YTHDF1: variants seen among roughly 807,000 people sequenced by gnomAD.
The protein encoded by YTHDF1 is YTH N6-methyladenosine RNA binding protein F1.
In YTHDF1, 16 loss-of-function variants were observed where a neutral mutation model predicts 49.1. That is an observed-to-expected ratio of 0.33 (90% CI 0.22 to 0.49). The LOEUF (loss-of-function observed/expected upper bound fraction) is 0.49, where lower values mean the gene tolerates loss of function less well. YTHDF1 is among the 20% of genes least tolerant of loss of function. The pLI is 0.99. For missense variants in YTHDF1, 621 were observed against 744.3 expected (o/e 0.83, Z 1.93); for synonymous variants, 313 against 290.1 (o/e 1.08, Z -0.80).
intron 4 of YTHDF1, among the ~76,000 whole-genome samples, chr20:63,199,238 G>A (rs1180599083): frequency 3.3e-5 from 5 of 151,972 alleles, no homozygotes; most frequent in Non-Finnish European, 4.4e-5. Flanking sequence ...GCACTGACTC[G>A]GCCGGGCGCA....
At chr20:63,207,094 G>A (rs1163916937) in intron 3 of YTHDF1, among the ~76,000 whole-genome samples, 1 of 152,236 alleles carries the variant, frequency 6.6e-6, no homozygotes, top group African/African-American at 2.4e-5. Context: ...GAGGCGAGCT[G>A]TGCTGCTCCC....
intron 3 of YTHDF1, among the ~76,000 whole-genome samples, chr20:63,206,834 T>C (rs1263016034): frequency 6.6e-6 from 1 of 151,148 alleles, no homozygotes; most frequent in Non-Finnish European, 1.5e-5. Context: ...ATTCTGTACA[T>C]AAGAAAACCT....
rs766197150 is a variant in YTHDF1 at position 63,196,683 on chromosome 20, G to A, written c.*25C>T. 3.1e-6 allele frequency: 5 copies of A among 1,613,766 alleles called. No homozygotes were observed. The South Asian group carries it at 3.3e-5, about 11-fold the overall frequency. ...AAACTGTTTTCAAAGTCAAACGTTA[G>A]AACATGTAAGAAACTGGTTCGCCCT... On this transcript the variant is annotated 3_prime_UTR_variant, in exon 5 of 5. Coordinates refer to ENST00000370339, the MANE Select transcript of YTHDF1 (RefSeq NM_017798.4).
chr20:63,204,091 G>A (rs1480246066), intron 3 of YTHDF1, among the ~76,000 whole-genome samples: 1 of 152,204 alleles, frequency 6.6e-6, no homozygotes, highest in Non-Finnish European at 1.5e-5. Context: ...AACTGGCAAG[G>A]TAGCAGCCCC....
intron 4 of YTHDF1, among the ~76,000 whole-genome samples, chr20:63,201,182 G>C (rs1229678186): frequency 2.6e-5 from 4 of 152,186 alleles, no homozygotes; most frequent in Non-Finnish European, 5.9e-5. Context: ...GCCCCAAGTT[G>C]TTCAGGACTT....
chr20:63,203,571 G>C lies in YTHDF1; in HGVS notation c.369C>G (p.Phe123Leu). The C allele has an allele frequency of 6.2e-7, 1 of 1,614,002 alleles. No homozygotes were observed. Among genetic ancestry groups the C allele is most frequent in the Non-Finnish European group, 8.5e-7 (1 of 1,180,030 alleles). ...NNIYQHRFNF[F>L]PENPAFSAWG... ...ATGCTGAGAACGCAGGGTTTTCAGG[G>C]AAAAAATTGAACCTGTGCTGATAGA... Residue 123 changes from phenylalanine (F) to leucine (L), a missense_variant, in exon 4 of 5, where the codon TTC becomes TTG. Phe to Leu is a conservative substitution (Grantham distance 22, BLOSUM62 0). Transcript: ENST00000370339. The surrounding 1 kb of genome is among the most constrained non-coding windows in gnomAD (Gnocchi z 4.4).
intron 1 of YTHDF1, 24 bp downstream of exon 1, chr20:63,215,842 G>T: frequency 6.9e-7 from 1 of 1,457,510 alleles, no homozygotes. Flanking sequence ...CCCGGCCGCG[G>T]CCCCTGTAAC....
intron 2 of YTHDF1, chr20:63,214,204 A>C: frequency 2.6e-6 from 2 of 765,600 alleles, no homozygotes; most frequent in Non-Finnish European, 3.2e-6. Flanking sequence ...GTGTTAACAC[A>C]TAATGCAAGG....
chr20:63,213,249 T>C (rs146582423), intron 3 of YTHDF1, among the ~76,000 whole-genome samples: 12 of 152,230 alleles, frequency 7.9e-5, no homozygotes, highest in Non-Finnish European at 1.5e-4. Flanking sequence ...CTGGCCAACA[T>C]GGTGAAACCC....
chr20:63,211,297 T>C (rs2066572916), intron 3 of YTHDF1, among the ~76,000 whole-genome samples: 1 of 152,056 alleles, frequency 6.6e-6, no homozygotes, highest in South Asian at 2.1e-4. Context: ...ATATTTCATG[T>C]CTACTAAAAA....
intron 3 of YTHDF1, among the ~76,000 whole-genome samples, chr20:63,206,456 CACAG>C (rs959069204): frequency 5.3e-5 from 8 of 152,236 alleles, no homozygotes; most frequent in Admixed American, 6.5e-5. Flanking sequence ...ACACACGCTG[CACAG>C]ACAGAGAGCC....
intron 3 of YTHDF1, among the ~76,000 whole-genome samples, chr20:63,206,543 C>A (rs1471938055): frequency 6.6e-6 from 1 of 152,216 alleles, no homozygotes; most frequent in Admixed American, 6.5e-5. Context: ...TCTGCAAATC[C>A]TTCAGCTCCA....
At chr20:63,212,708 GGA>G (rs900522962) in intron 3 of YTHDF1, among the ~76,000 whole-genome samples, 3 of 152,176 alleles carry the variant, frequency 2.0e-5, no homozygotes, top group Non-Finnish European at 4.4e-5. Context: ...GCAGCACAGA[GGA>G]GAGAGAGCAG....
chr20:63,215,536 T>A (rs747585359), intron 2 of YTHDF1, 41 bp downstream of exon 2: 2 of 1,613,444 alleles, frequency 1.2e-6, no homozygotes, highest in South Asian at 2.2e-5. Flanking sequence ...CCCGTCCTCC[T>A]CCACTCCAGC....
chr20:63,198,860 G>T (rs536820323), intron 4 of YTHDF1, among the ~76,000 whole-genome samples: 18 of 152,298 alleles, frequency 1.2e-4, no homozygotes, highest in East Asian at 5.8e-4. Flanking sequence ...TCACAGTGTG[G>T]GACGCTCACC....
chr20:63,210,886 G>C (rs1374339359), intron 3 of YTHDF1, among the ~76,000 whole-genome samples: 1 of 152,160 alleles, frequency 6.6e-6, no homozygotes, highest in African/African-American at 2.4e-5. Context: ...TCAAGTCACA[G>C]ACTAGAAGAC....
chr20:63,206,879 A>T (rs997134556), intron 3 of YTHDF1, among the ~76,000 whole-genome samples: 2 of 147,342 alleles, frequency 1.4e-5, no homozygotes, highest in Non-Finnish European at 2.9e-5. Context: ...TATGAGCCAC[A>T]TGTCAGGCTG....
chr20:63,200,223 C>T (rs986112983), intron 4 of YTHDF1, among the ~76,000 whole-genome samples: 1 of 151,806 alleles, frequency 6.6e-6, no homozygotes, highest in Non-Finnish European at 1.5e-5. Flanking sequence ...TAGCTGGGTG[C>T]AGTGGTGGGC....
At chr20:63,198,984 A>C (rs1482764920) in intron 4 of YTHDF1, among the ~76,000 whole-genome samples, 1 of 152,230 alleles carries the variant, frequency 6.6e-6, no homozygotes, top group Non-Finnish European at 1.5e-5. Flanking sequence ...CTGCCATCCT[A>C]AGAAATCAGT....
Sources: allele counts gnomAD v4.1 joint callset (sites outside exome capture counted in the v4.1 genomes callset), GRCh38; gene constraint gnomAD v4.1.1; non-coding constraint Gnocchi (gnomAD v3.1); transcripts MANE v1.5; gene names NCBI Gene and HGNC (gene_info 2026-07-23, HGNC 2026-07-21).